Variants in PPP1R3F observed in about 807,000 individuals in gnomAD.
The protein encoded by PPP1R3F is protein phosphatase 1 regulatory subunit 3F, also known as protein phosphatase 1, regulatory (inhibitor) subunit 3F.
Under a neutral mutation model 24.2 loss-of-function variants are expected in PPP1R3F, and 29 were observed. The ratio of observed to expected loss-of-function variants is 1.20; its 90% CI spans 0.89 to 1.63. The LOEUF (loss-of-function observed/expected upper bound fraction) is 1.63, where lower values mean the gene tolerates loss of function less well. Ranked by LOEUF, PPP1R3F falls within the 40% of genes most tolerant of loss-of-function variation. PPP1R3F has a pLI of 0.00. For synonymous variants in PPP1R3F, 363 were observed against 340.1 expected (o/e 1.07, Z -0.74); for missense variants, 823 against 729.3 (o/e 1.13, Z -1.48).
In PPP1R3F at chrX:49,288,039, T is replaced by G. The variant is rs1468716385; in HGVS notation, c.*949T>G. On this transcript the variant is annotated 3_prime_UTR_variant, in exon 4 of 4. Coordinates refer to ENST00000055335, the MANE Select transcript of PPP1R3F (RefSeq NM_033215.5). ...CTAAAAACAGGAAGCCCAGAAGCTT[T>G]GAAAGAAAGATATATATTTATTGCA... The G allele has an allele frequency of 8.9e-6, 1 of 112,178 alleles. No homozygotes were observed. The highest frequency in any genetic ancestry group is 3.2e-5 in the African/African-American group (1 of 30,805). 9.2% of individuals were successfully genotyped at this position (112,178 alleles called of 1,213,427 possible).
At position 49,270,489 on chromosome X, in the gene PPP1R3F, G is replaced by T. The variant is rs1557118888; in HGVS notation, c.620G>T (p.Gly207Val). ...RYVPRSPPWA[G>V]AGGTGAGDPI... ...GTCCCGCGCAGCCCGCCGTGGGCAG[G>T]AGCGGGAGGAACAGGAGCAGGAGAT... The change falls in exon 1 of 4, where the codon GGA becomes GTA. Residue 207 changes from glycine to valine, a missense_variant. Physicochemically the swap from Gly to Val is moderately radical, Grantham distance 109 (BLOSUM62 -3). Coordinates refer to ENST00000055335, the MANE Select transcript of PPP1R3F (RefSeq NM_033215.5). 3 of 1,205,415 alleles carry T rather than the reference G, an allele frequency of 2.5e-6. No homozygotes were observed. The highest frequency in any genetic ancestry group is 3.4e-6 in the Non-Finnish European group (3 of 894,947).
chrX:49,278,923 A>G (rs996264854), intron 1 of PPP1R3F, among the ~76,000 whole-genome samples: 4 of 112,727 alleles, frequency 3.5e-5, no homozygotes, highest in African/African-American at 1.3e-4. Context: ...CCCTCATCCA[A>G]GAAGCAGCAG....
chrX:49,284,366 TTTTCTTTCCTTTCC>T (rs1328481281), intron 3 of PPP1R3F, among the ~76,000 whole-genome samples: 6 of 110,636 alleles, frequency 5.4e-5, no homozygotes, highest in African/African-American at 1.6e-4. Flanking sequence ...TTTTTCTTTC[TTTTCTTTCCTTTCC>T]TTTCTTTCCT....
chrX:49,277,071 G>A (rs978893599), intron 1 of PPP1R3F, among the ~76,000 whole-genome samples: 2 of 112,645 alleles, frequency 1.8e-5, no homozygotes, highest in Non-Finnish European at 3.8e-5. Flanking sequence ...GAGGACTCGG[G>A]TGGTGGTGGC....
intron 3 of PPP1R3F, among the ~76,000 whole-genome samples, chrX:49,293,145 G>A (rs1011432208): frequency 9.0e-6 from 1 of 111,535 alleles, no homozygotes. Context: ...CCCACGGGGA[G>A]CCCCAAGATG....
Position 49,270,014 on chromosome X carries a change from G to A in PPP1R3F, c.145G>A (p.Ala49Thr). Residue 49 changes from alanine to threonine, a missense_variant, in exon 1 of 4, where the codon GCG (alanine) becomes ACG (threonine). Ala to Thr is a moderately conservative substitution (Grantham distance 58). Transcript: ENST00000055335. ...FADEALGLPLAQLRRYRPWGG... is the reference protein window; with the variant it reads ...FADEALGLPLTQLRRYRPWGG... Reference sequence around the variant, plus strand: ...CGACGAGGCCTTGGGGCTGCCGCTGGCGCAGTTGCGCCGCTACCGGCCGTG... The same window carrying A: ...CGACGAGGCCTTGGGGCTGCCGCTGACGCAGTTGCGCCGCTACCGGCCGTG... The A allele has an allele frequency of 4.3e-6, 4 of 930,021 alleles. No individual in the cohort carries two copies. The highest frequency in any genetic ancestry group is 2.0e-5 in the African/African-American group (1 of 48,817). 76.6% of individuals were successfully genotyped at this position (930,021 alleles called of 1,213,427 possible).
Position 49,269,958 on chromosome X carries a change from C to T in PPP1R3F, c.89C>T (p.Ala30Val), listed in dbSNP as rs1306213659. ...AAGEPRTSVE[A>V]AVAPRRVLFA... is the part of the protein sequence containing the mutation. ...GGTGAGCCCCGCACCTCGGTCGAGG[C>T]GGCGGTGGCCCCGCGGAGGGTGCTG... Residue 30 changes from alanine (A) to valine (V), a missense_variant, in exon 1 of 4, where the codon GCG (alanine) becomes GTG (valine). Ala to Val is a moderately conservative substitution (Grantham distance 64). Transcript: ENST00000055335. The T allele has an allele frequency of 2.2e-6, 2 of 904,949 alleles. No individual in the cohort carries two copies. The highest frequency in any genetic ancestry group is 1.4e-6 in the Non-Finnish European group (1 of 735,740). The allele number at this position is 904,949 out of a possible 1,213,427, so 74.6% of individuals were successfully genotyped here.
rs782178928 is a variant in PPP1R3F at position 49,286,622 on chromosome X, A to T, written c.1932A>T (p.Lys644Asn). The T allele has an allele frequency of 2.5e-6, 3 of 1,210,939 alleles. No homozygotes were observed. Among genetic ancestry groups the T allele is most frequent in the Non-Finnish European group, 2.2e-6 (2 of 894,982 alleles). Residue 644 changes from lysine to asparagine, a missense_variant, in exon 4 of 4, where the codon AAA becomes AAT. Lys to Asn is a moderately conservative substitution (Grantham distance 94). Coordinates refer to ENST00000055335, the MANE Select transcript of PPP1R3F (RefSeq NM_033215.5). ...TEGQFIGDPE[K>N]GMGKDTSSLH... is the part of the protein sequence containing the mutation. ...GTCAGTTCATTGGGGATCCTGAGAA[A>T]GGGATGGGCAAGGACACCAGCTCTT...
chrX:49,275,808 A>G (rs2066208873), intron 1 of PPP1R3F: 1 of 111,437 alleles, frequency 9.0e-6, no homozygotes, highest in Admixed American at 9.5e-5. Context: ...TCCATACTGA[A>G]TTGTAAGCTT....
downstream of PPP1R3F, among the ~76,000 whole-genome samples, chrX:49,291,793 T>A (rs1158927843): frequency 9.0e-6 from 1 of 110,672 alleles, no homozygotes; most frequent in Non-Finnish European, 1.9e-5. Context: ...AGGGCCAGCA[T>A]CTTAGTCTCA....
chrX:49,290,325 G>A (rs782040763), downstream of PPP1R3F, among the ~76,000 whole-genome samples: 1 of 110,871 alleles, frequency 9.0e-6, no homozygotes, highest in African/African-American at 3.3e-5. Flanking sequence ...TCTATCGTGT[G>A]CCCCTGACAC....
downstream of PPP1R3F, among the ~76,000 whole-genome samples, chrX:49,291,917 C>CCAAACCTGAGCTTCCTGCTAAGT (rs1557122423): frequency 1.8e-5 from 2 of 111,365 alleles, no homozygotes; most frequent in African/African-American, 6.5e-5. Context: ...GAGACCAAGT[C>CCAAACCTGAGCTTCCTGCTAAGT]CAAACCTGAG....
chrX:49,286,598 T>A lies in PPP1R3F; in HGVS notation c.1908T>A (p.Gly636=). 2 of 1,209,963 alleles carry A rather than the reference T, an allele frequency of 1.7e-6. No individual in the cohort carries two copies. The highest frequency in any genetic ancestry group is 2.2e-6 in the Non-Finnish European group (2 of 894,844). The change falls in exon 4 of 4, where the codon GGT becomes GGA. Residue 636 remains glycine (G), a synonymous_variant. Transcript: ENST00000055335. ...GCCCTGTGGTTCTGGGTACAGAGGG[T>A]CAGTTCATTGGGGATCCTGAGAAAG... is the stretch of plus-strand genomic sequence containing the variant. ...CDGPVVLGTE[G]QFIGDPEKGM...
At position 49,269,818 on chromosome X, in the gene PPP1R3F, T is replaced by A; in HGVS notation, c.-52T>A. 1 of 795,050 alleles carries A rather than the reference T, an allele frequency of 1.3e-6. No individual in the cohort carries two copies. 65.5% of individuals were successfully genotyped at this position (795,050 alleles called of 1,213,427 possible). On this transcript the variant is annotated 5_prime_UTR_variant, in exon 1 of 4. Transcript: ENST00000055335. ...ATTGGCTGCCCGCCCCTTCAGGCCC[T>A]GCCCCCGCCGGTCCCGCCGCCGGTG... is the stretch of plus-strand genomic sequence containing the variant.
At chrX:49,271,138 A>G (rs1463364689) in intron 1 of PPP1R3F, among the ~76,000 whole-genome samples, 1 of 111,964 alleles carries the variant, frequency 8.9e-6, no homozygotes, top group African/African-American at 3.2e-5. Context: ...ACAGGCTCCT[A>G]TGGGAGACAG....
At position 49,285,826 on chromosome X, in the gene PPP1R3F, G is replaced by A; in HGVS notation, c.1144-8G>A. Reference sequence around the variant, plus strand: ...TTCTCTGCCCCCTTGCCCCGGCCATGGCTCCAGGTTTCTGACGTTCCGATG... The same window carrying A: ...TTCTCTGCCCCCTTGCCCCGGCCATAGCTCCAGGTTTCTGACGTTCCGATG... On this transcript the variant is annotated splice_region_variant and splice_polypyrimidine_tract_variant and intron_variant, in intron 3 of 3. Coordinates refer to ENST00000055335, the MANE Select transcript of PPP1R3F (RefSeq NM_033215.5). 8.8e-7 allele frequency: 1 copy of A among 1,130,587 alleles called. No individual in the cohort carries two copies. Among genetic ancestry groups the A allele is most frequent in the Non-Finnish European group, 1.2e-6 (1 of 852,797 alleles). The allele number at this position is 1,130,587 out of a possible 1,213,427, so 93.2% of individuals were successfully genotyped here.
In PPP1R3F at chrX:49,269,865, C is replaced by T; in HGVS notation, c.-5C>T. ...GGTGCCGTCGGTGCCGCCGCCGCCG[C>T]CGATATGGCGCGTACGGCCCCTGTG... On this transcript the variant is annotated 5_prime_UTR_variant, in exon 1 of 4. Transcript: ENST00000055335. 1 of 892,513 alleles carries T rather than the reference C, an allele frequency of 1.1e-6. No individual in the cohort carries two copies. Among genetic ancestry groups the T allele is most frequent in the Non-Finnish European group, 1.4e-6 (1 of 726,276 alleles). 73.6% of individuals were successfully genotyped at this position (892,513 alleles called of 1,213,427 possible).
At chrX:49,294,420 C>T (rs1236766100) in intron 3 of PPP1R3F, among the ~76,000 whole-genome samples, 1 of 108,662 alleles carries the variant, frequency 9.2e-6, no homozygotes, top group African/African-American at 3.4e-5. Flanking sequence ...TGGGGTTTCG[C>T]CGTGTTGCCC....
downstream of PPP1R3F, among the ~76,000 whole-genome samples, chrX:49,292,297 C>T (rs1343535242): frequency 1.8e-5 from 2 of 112,272 alleles, no homozygotes; most frequent in African/African-American, 3.2e-5. Context: ...TCCTCTTTTT[C>T]CTTCTACCAG....
Sources: allele counts gnomAD v4.1 joint callset (sites outside exome capture counted in the v4.1 genomes callset), GRCh38; gene constraint gnomAD v4.1.1; transcripts MANE v1.5; gene names NCBI Gene and HGNC (gene_info 2026-07-23, HGNC 2026-07-21).